Variants in ROBO3 observed in about 807,000 individuals in gnomAD.
ROBO3 encodes the protein roundabout homolog 3.
In ROBO3, 97 loss-of-function variants were observed where a neutral mutation model predicts 160.5. The ratio of observed to expected loss-of-function variants is 0.60; its 90% CI spans 0.51 to 0.72. The LOEUF (loss-of-function observed/expected upper bound fraction) is 0.72. Among genes scored for constraint, ROBO3 ranks in the 30% least tolerant of loss-of-function variants. ROBO3 has a pLI of 0.00. For synonymous variants in ROBO3, 780 were observed against 746.2 expected, an observed-to-expected ratio of 1.05 and a Z score of -0.74; for missense variants, 1,858 against 1,846.5, an observed-to-expected ratio of 1.01 and a Z score of -0.11.
At chr11:124,875,011 AAG>A in intron 13 of ROBO3, 98 bp from the exon 14 acceptor site, 1 of 1,516,982 alleles carries the variant, frequency 6.6e-7, no homozygotes, top group Non-Finnish European at 8.9e-7. Context: ...GTGGCTGGGG[AAG>A]GCGGCATGAG....
intron 7 of ROBO3, among the ~76,000 whole-genome samples, chr11:124,871,872 G>T (rs987081251): frequency 1.5e-4 from 23 of 152,328 alleles, no homozygotes; most frequent in African/African-American, 5.3e-4. Flanking sequence ...AATAAAAAGG[G>T]TGACGGTTAG....
At chr11:124,877,764 C>A (rs1397516799) in intron 20 of ROBO3, 106 bp downstream of exon 20, 5 of 1,453,780 alleles carry the variant, frequency 3.4e-6, no homozygotes, top group Non-Finnish European at 4.7e-6. Context: ...TTGGTCAGTC[C>A]CTGGGGAGGA....
chr11:124,874,034 G>T, intron 11 of ROBO3, 36 bp from the exon 12 acceptor site: 1 of 1,612,510 alleles, frequency 6.2e-7, no homozygotes, highest in Non-Finnish European at 8.5e-7. Flanking sequence ...GGGAGTTCCT[G>T]GCTTAGACAA....
In ROBO3 at chr11:124,876,481, C is replaced by T. The variant is rs769297563; in HGVS notation, c.2779+21C>T. ...CACGGGTGAGCTCCCGGCCTCGGAG[C>T]GGACGGATCCGGGAGGGAGCCAGGC... On this transcript the variant is annotated intron_variant, in intron 17 of 27. Coordinates refer to ENST00000397801, the MANE Select transcript of ROBO3 (RefSeq NM_022370.4). This position sits in a 1 kb window ranked among gnomAD's most constrained non-coding sequence, Gnocchi z 5.3. The T allele has an allele frequency of 1.2e-5, 17 of 1,361,998 alleles. No homozygotes were observed. Among genetic ancestry groups the T allele is most frequent in the Non-Finnish European group, 1.6e-5 (17 of 1,062,706 alleles). The allele number at this position is 1,361,998 out of a possible 1,614,324, so 84.4% of individuals were successfully genotyped here. A position where few individuals can be genotyped will look rare whatever the true frequency, so the allele number is the denominator to read the frequency against.
rs375549278 is a variant in ROBO3 at position 124,879,172 on chromosome 11, G to A, written c.3534-18G>A. The A allele has an allele frequency of 1.4e-3, 2,174 of 1,547,800 alleles. 5 individuals are homozygous for A. Among genetic ancestry groups the A allele is most frequent in the Non-Finnish European group, 1.8e-3 (2,021 of 1,145,014 alleles). On this transcript the variant is annotated intron_variant, in intron 23 of 27. Coordinates refer to ENST00000397801, the MANE Select transcript of ROBO3 (RefSeq NM_022370.4). ...TTTTTGTGGAGGGAACAGAGGCTGC[G>A]GCCTCCTGTCATTGCAGGAGGGTGC...
In ROBO3 at chr11:124,869,314, G is replaced by C. The variant is rs1946246657; in HGVS notation, c.488-136G>C. The stretch of plus-strand genomic sequence containing the variant: ...GAGAAGGAAGTGGATCTGACTCCAG[G>C]CTGATATTTTCTCACCTGGGAACGA... On this transcript the variant is annotated intron_variant, in intron 2 of 27. Transcript: ENST00000397801. This position sits in a 1 kb window ranked among gnomAD's most constrained non-coding sequence, Gnocchi z 4.2. 1.8e-6 allele frequency: 2 copies of C among 1,107,816 alleles called. No individual in the cohort carries two copies. The highest frequency in any genetic ancestry group is 2.7e-6 in the Non-Finnish European group (2 of 746,168). 68.6% of individuals were successfully genotyped at this position (1,107,816 alleles called of 1,614,324 possible).
rs1946382006 is a variant in ROBO3, at chr11:124,876,539, G to A, written c.2779+79G>A. 3 of 1,212,958 alleles carry A rather than the reference G, an allele frequency of 2.5e-6. No individual in the cohort carries two copies. Among genetic ancestry groups the A allele is most frequent in the African/African-American group, 3.2e-5 (2 of 62,672 alleles). The allele number at this position is 1,212,958 out of a possible 1,614,324, so 75.1% of individuals were successfully genotyped here. ...GGGGAGGGGCAGGGGCTTAGCCGCT[G>A]GCGAGTGAGGACCGGGTCGGGAGAA... On this transcript the variant is annotated intron_variant, in intron 17 of 27. Transcript: ENST00000397801. The surrounding 1 kb of genome is among the most constrained non-coding windows in gnomAD (Gnocchi z 5.3).
At chr11:124,867,882 C>T (rs973001516) in intron 1 of ROBO3, among the ~76,000 whole-genome samples, 1 of 152,064 alleles carries the variant, frequency 6.6e-6, no homozygotes, top group Non-Finnish European at 1.5e-5. Flanking sequence ...ACCTACTGGC[C>T]GCCACGGGTT....
At position 124,874,098 on chromosome 11, in the gene ROBO3, G is replaced by A. The variant is rs747524285; in HGVS notation, c.1813G>A (p.Val605Met). The A allele has an allele frequency of 4.3e-6, 7 of 1,613,964 alleles. No individual in the cohort carries two copies. Among genetic ancestry groups the A allele is most frequent in the Middle Eastern group, 3.3e-4 (2 of 6,062 alleles). ...AGCAGCTGGCAACACATGGCGTACT[G>A]TGGCAGATGGCGTGCAGCTGGAGAC... The part of the protein sequence containing the change: ...SPAAGNTWRT[V>M]ADGVQLETHT... Residue 605 changes from valine to methionine, a missense_variant, in exon 12 of 28, where the codon GTG (valine) becomes ATG (methionine). Transcript: ENST00000397801.
chr11:124,870,929 G>C, intron 6 of ROBO3, 85 bp from the exon 7 acceptor site: 2 of 1,556,910 alleles, frequency 1.3e-6, no homozygotes, highest in Non-Finnish European at 1.8e-6. Flanking sequence ...CTTGAGCTAA[G>C]CTGGAGCTTC....
In ROBO3 at chr11:124,879,289, C is replaced by T; in HGVS notation, c.3633C>T (p.Ala1211=). The T allele has an allele frequency of 1.9e-6, 3 of 1,600,374 alleles. No individual in the cohort carries two copies. The highest frequency in any genetic ancestry group is 2.6e-6 in the Non-Finnish European group (3 of 1,174,272). Residue 1211 remains alanine, a synonymous_variant, in exon 24 of 28, where the codon GCC becomes GCT. Transcript: ENST00000397801. ...CTGGCTTGGGTGCTGGCCCTGCAGCCTCACCCCACCTCAGCCCCAGTCCTG... is the reference window on the plus strand; with the variant it reads ...CTGGCTTGGGTGCTGGCCCTGCAGCTTCACCCCACCTCAGCCCCAGTCCTG... ...RPAGLGAGPA[A]SPHLSPSPAP...
Position 124,879,794 on chromosome 11 carries a change from C to T in ROBO3, c.3804C>T (p.Pro1268=). 1.2e-6 allele frequency: 2 copies of T among 1,613,778 alleles called. No individual in the cohort carries two copies. Among genetic ancestry groups the T allele is most frequent in the East Asian group, 2.2e-5 (1 of 44,872 alleles). ...YRRENSPGDL[P]PPPLPPPEEE... ...AAACAGCTCCCTCCCCAGACTTGCC[C>T]CCACCACCCTTGCCACCGCCAGAGG... Residue 1268 remains proline (P), a synonymous_variant, in exon 26 of 28, where the codon CCC becomes CCT. Coordinates refer to ENST00000397801, the MANE Select transcript of ROBO3 (RefSeq NM_022370.4).
At chr11:124,871,313 A>T (rs565583217) in intron 7 of ROBO3, among the ~76,000 whole-genome samples, 175 bp downstream of exon 7, 1 of 152,370 alleles carries the variant, frequency 6.6e-6, no homozygotes, top group Admixed American at 6.5e-5. Flanking sequence ...AAAGGCCTGG[A>T]ACACATTGGG....
rs374463614 is a variant in ROBO3, at chr11:124,875,290, G to T, written c.2253G>T (p.Gly751=). 1 of 1,613,730 alleles carries T rather than the reference G, an allele frequency of 6.2e-7. No individual in the cohort carries two copies. Among genetic ancestry groups the T allele is most frequent in the South Asian group, 1.1e-5 (1 of 91,066 alleles). Residue 751 remains glycine (G), a synonymous_variant, in exon 14 of 28, where the codon GGG becomes GGT. Coordinates refer to ENST00000397801, the MANE Select transcript of ROBO3 (RefSeq NM_022370.4). The stretch of plus-strand genomic sequence containing the variant: ...AGGTGCAAGCCCAAGGCCAGGAGGG[G>T]CTGGGGGCTGAAAGCCTCTCTGTGA... ...QIKVQAQGQE[G]LGAESLSVTR...
At position 124,878,210 on chromosome 11, in the gene ROBO3, G is replaced by T; in HGVS notation, c.3181+79G>T. 1.9e-6 allele frequency: 3 copies of T among 1,572,906 alleles called. No individual in the cohort carries two copies. The highest frequency in any genetic ancestry group is 2.6e-6 in the Non-Finnish European group (3 of 1,154,394). Reference sequence around the variant, plus strand: ...GAGGATCCTCCTCCCTGACCCTCTGGCACCTAGCCCGGCACTTCCTTCTGA... The same window carrying T: ...GAGGATCCTCCTCCCTGACCCTCTGTCACCTAGCCCGGCACTTCCTTCTGA... On this transcript the variant is annotated intron_variant, in intron 21 of 27. Coordinates refer to ENST00000397801, the MANE Select transcript of ROBO3 (RefSeq NM_022370.4). The surrounding 1 kb of genome is among the most constrained non-coding windows in gnomAD (Gnocchi z 4.3).
chr11:124,870,221 G>C lies in ROBO3; in HGVS notation c.823G>C (p.Val275Leu), dbSNP rs951500373. The stretch of plus-strand genomic sequence containing the variant: ...TCAGGTGGTCCTGGCTGATGCCCCT[G>C]TGACTTTCCTATGTGAGGTGAAGGG... Reference protein sequence around the residue: ...VNQVVLADAPVTFLCEVKGDP... With the variant: ...VNQVVLADAPLTFLCEVKGDP... The change falls in exon 5 of 28, where the codon GTG (valine) becomes CTG (leucine). Residue 275 changes from valine to leucine, a missense_variant. Transcript: ENST00000397801. 1 of 1,614,058 alleles carries C rather than the reference G, an allele frequency of 6.2e-7. No individual in the cohort carries two copies. The highest frequency in any genetic ancestry group is 8.5e-7 in the Non-Finnish European group (1 of 1,179,902).
Position 124,869,983 on chromosome 11 carries a change from C to G in ROBO3, c.681C>G (p.Leu227=). The G allele has an allele frequency of 1.2e-6, 2 of 1,613,222 alleles. No individual in the cohort carries two copies. The highest frequency in any genetic ancestry group is 1.7e-6 in the Non-Finnish European group (2 of 1,179,528). Residue 227 remains leucine, a synonymous_variant, in exon 4 of 28, where the codon CTC becomes CTG. Transcript: ENST00000397801. This position sits in a 1 kb window ranked among gnomAD's most constrained non-coding sequence, Gnocchi z 4.2. The part of the protein sequence containing the change: ...RGGKLMMSHT[L]KSDAGMYVCV... ...GGAAGCTGATGATGTCACATACACTCAAGAGCGATGCAGGCATGTATGTGT... is the reference window on the plus strand; with the variant it reads ...GGAAGCTGATGATGTCACATACACTGAAGAGCGATGCAGGCATGTATGTGT...
chr11:124,869,833 A>G lies in ROBO3; in HGVS notation c.646-115A>G, dbSNP rs1946255622. The G allele has an allele frequency of 7.0e-7, 1 of 1,430,284 alleles. No homozygotes were observed. The highest frequency in any genetic ancestry group is 9.6e-7 in the Non-Finnish European group (1 of 1,044,702). The allele number at this position is 1,430,284 out of a possible 1,614,324, so 88.6% of individuals were successfully genotyped here. A position where few individuals can be genotyped will look rare whatever the true frequency, so the allele number is the denominator to read the frequency against. ...GTCAACTTCCTTGGTCTCCTTTATC[A>G]GCTTGCTGTGAGGATCAAATAAACT... On this transcript the variant is annotated intron_variant, in intron 3 of 27. Coordinates refer to ENST00000397801, the MANE Select transcript of ROBO3 (RefSeq NM_022370.4). This position sits in a 1 kb window ranked among gnomAD's most constrained non-coding sequence, Gnocchi z 4.2.
In ROBO3 at chr11:124,879,542, G is replaced by A. The variant is rs766898133; in HGVS notation, c.3763G>A (p.Ala1255Thr). 9 of 1,613,532 alleles carry A rather than the reference G, an allele frequency of 5.6e-6. No homozygotes were observed. The South Asian group carries it at 8.8e-5, about 16-fold the overall frequency. Residue 1255 changes from alanine to threonine, a missense_variant, in exon 25 of 28, where the codon GCT (alanine) becomes ACT (threonine). Ala to Thr is a moderately conservative substitution (Grantham distance 58, BLOSUM62 0). Coordinates refer to ENST00000397801, the MANE Select transcript of ROBO3 (RefSeq NM_022370.4). ...PRARFRKKPK[A>T]LPYRRENSPG... is the part of the protein sequence containing the mutation. ...TGCTCGATTCCGGAAGAAACCCAAGGCTCTTCCCTACAGGAGGGAGAACAG... is the reference window on the plus strand; with the variant it reads ...TGCTCGATTCCGGAAGAAACCCAAGACTCTTCCCTACAGGAGGGAGAACAG...
Sources: allele counts gnomAD v4.1 joint callset (sites outside exome capture counted in the v4.1 genomes callset), GRCh38; gene constraint gnomAD v4.1.1; non-coding constraint Gnocchi (gnomAD v3.1); transcripts MANE v1.5; gene names NCBI Gene and HGNC (gene_info 2026-07-23, HGNC 2026-07-21).